SRPK2: variants seen among roughly 807,000 people sequenced by gnomAD.
SRPK2 encodes the protein SFRS protein kinase 2.
SRPK2 carries 21 observed loss-of-function variants against 90.8 expected under a neutral mutation model. That is an observed-to-expected ratio of 0.23 (90% confidence interval 0.16 to 0.33). The LOEUF (loss-of-function observed/expected upper bound fraction) is 0.33. SRPK2 is among the 10% of genes least tolerant of loss of function. SRPK2 has a pLI of 1.00. For missense variants in SRPK2, 620 were observed against 869.0 expected (o/e 0.71, Z 3.60); for synonymous variants, 288 against 311.1 (o/e 0.93, Z 0.78).
chr7:105,384,549 A>C (rs947807011), intron 2 of SRPK2, among the ~76,000 whole-genome samples: 1 of 152,224 alleles, frequency 6.6e-6, no homozygotes, highest in African/African-American at 2.4e-5. Flanking sequence ...ACCCACAGTC[A>C]CATAATTCAA....
At chr7:105,297,453 A>G (rs1809968808) in intron 2 of SRPK2, 8 of 985,330 alleles carry the variant, frequency 8.1e-6, no homozygotes, top group Non-Finnish European at 8.4e-6. Flanking sequence ...TTCAAAACAC[A>G]TTGGCTTTCC....
At chr7:105,264,877 A>G (rs1804823903) in intron 2 of SRPK2, among the ~76,000 whole-genome samples, 2 of 152,164 alleles carry the variant, frequency 1.3e-5, no homozygotes, top group Non-Finnish European at 2.9e-5. Flanking sequence ...CAAACTCCTC[A>G]GCCCTCCTTG....
chr7:105,247,543 C>T, intron 2 of SRPK2, among the ~76,000 whole-genome samples: 1 of 150,966 alleles, frequency 6.6e-6, no homozygotes, highest in South Asian at 2.1e-4. Context: ...CACACACACA[C>T]ACACACACAC....
chr7:105,335,743 C>T (rs1321431737), intron 2 of SRPK2, among the ~76,000 whole-genome samples: 3 of 151,148 alleles, frequency 2.0e-5, no homozygotes, highest in Non-Finnish European at 4.4e-5. Flanking sequence ...CACCTGAGGT[C>T]GGGAGTTCAA....
At chr7:105,327,084 A>T (rs1183912569) in intron 2 of SRPK2, among the ~76,000 whole-genome samples, 1 of 152,006 alleles carries the variant, frequency 6.6e-6, no homozygotes, top group Non-Finnish European at 1.5e-5. Flanking sequence ...AAAAAAAAAA[A>T]AATTCAAGGT....
chr7:105,323,526 T>C (rs1025157512), intron 2 of SRPK2, among the ~76,000 whole-genome samples: 4 of 152,242 alleles, frequency 2.6e-5, no homozygotes, highest in African/African-American at 9.6e-5. Context: ...CTATTACTTT[T>C]GCAAGGGCTG....
intron 2 of SRPK2, among the ~76,000 whole-genome samples, chr7:105,272,767 C>CATG (rs1386843052): frequency 6.6e-6 from 1 of 152,164 alleles, no homozygotes; most frequent in Non-Finnish European, 1.5e-5. Flanking sequence ...ACAGTCTCTG[C>CATG]ATGGCTTGAA....
At chr7:105,323,330 TAAA>T (rs913968856) in intron 2 of SRPK2, among the ~76,000 whole-genome samples, 7 of 152,254 alleles carry the variant, frequency 4.6e-5, no homozygotes, top group Non-Finnish European at 7.4e-5. Context: ...CAAATGAAGG[TAAA>T]GCCTTCTGCA....
At chr7:105,255,286 T>C (rs1018855790) in intron 2 of SRPK2, among the ~76,000 whole-genome samples, 1 of 151,750 alleles carries the variant, frequency 6.6e-6, no homozygotes, top group Non-Finnish European at 1.5e-5. Flanking sequence ...CCAATTTTGT[T>C]AGTCACCTTT....
At chr7:105,166,757 T>C (rs1335579443) in intron 6 of SRPK2, among the ~76,000 whole-genome samples, 1 of 152,180 alleles carries the variant, frequency 6.6e-6, no homozygotes, top group Non-Finnish European at 1.5e-5. Flanking sequence ...TTTTGCAATA[T>C]AGATAACCAG....
chr7:105,177,142 C>A (rs905523597), intron 3 of SRPK2, among the ~76,000 whole-genome samples: 1 of 151,434 alleles, frequency 6.6e-6, no homozygotes, highest in Non-Finnish European at 1.5e-5. Context: ...GAAAAAAAAA[C>A]ACATAAAAAA....
At chr7:105,329,593 C>T (rs979931372) in intron 2 of SRPK2, among the ~76,000 whole-genome samples, 9 of 81,870 alleles carry the variant, frequency 1.1e-4, no homozygotes, top group Non-Finnish European at 1.8e-4. Context: ...GACTCCGTCT[C>T]AAAAAAAAAA....
intron 2 of SRPK2, among the ~76,000 whole-genome samples, chr7:105,250,824 G>A (rs910099323): frequency 9.2e-5 from 14 of 152,082 alleles, no homozygotes; most frequent in African/African-American, 1.7e-4. Context: ...TAGATGAACC[G>A]CTTAACTACT....
At chr7:105,291,671 A>C (rs955351821) in intron 2 of SRPK2, among the ~76,000 whole-genome samples, 1 of 152,334 alleles carries the variant, frequency 6.6e-6, no homozygotes, top group Non-Finnish European at 1.5e-5. Flanking sequence ...CAGAGGCTGC[A>C]CTGAGCCAAG....
intron 3 of SRPK2, among the ~76,000 whole-genome samples, chr7:105,190,977 G>A (rs951337063): frequency 4.9e-4 from 75 of 152,250 alleles, no homozygotes; most frequent in African/African-American, 1.7e-3. Flanking sequence ...ATGATGTGAT[G>A]TTTTAATATA....
intron 2 of SRPK2, among the ~76,000 whole-genome samples, chr7:105,249,179 C>T (rs1042685232): frequency 6.6e-6 from 1 of 152,116 alleles, no homozygotes; most frequent in African/African-American, 2.4e-5. Flanking sequence ...CAATGGACAT[C>T]TTTGTTGTTC....
At chr7:105,245,028 AAAAC>A (rs1205915512) in intron 2 of SRPK2, 49 of 561,996 alleles carry the variant, frequency 8.7e-5, no homozygotes, top group East Asian at 3.6e-4. Context: ...AAAACAAAAC[AAAAC>A]AAACACACAC....
upstream of SRPK2, among the ~76,000 whole-genome samples, chr7:105,391,748 C>A (rs984542137): frequency 1.3e-5 from 2 of 152,098 alleles, no homozygotes; most frequent in African/African-American, 4.8e-5. Flanking sequence ...ACATTGAAAC[C>A]CTCCTACATT....
chr7:105,302,378 A>G (rs1231395844), intron 2 of SRPK2, among the ~76,000 whole-genome samples: 1 of 152,220 alleles, frequency 6.6e-6, no homozygotes, highest in East Asian at 1.9e-4. Flanking sequence ...GTGTTAATTT[A>G]TATGATCTTA....
Sources: gnomAD v4.1 joint callset for allele counts (sites outside exome capture counted in the v4.1 genomes callset) on GRCh38, gnomAD v4.1.1 for gene constraint, MANE v1.5 for transcripts, NCBI Gene and HGNC (gene_info 2026-07-23, HGNC 2026-07-21) for gene names.